AKAP6: variants seen among roughly 807,000 people sequenced by gnomAD.
AKAP6 encodes the protein A-kinase anchoring protein 6.
Under a neutral mutation model 188.5 loss-of-function variants are expected in AKAP6, and 58 were observed. That is an observed-to-expected ratio of 0.31 (90% confidence interval 0.25 to 0.38). The LOEUF (loss-of-function observed/expected upper bound fraction) is 0.38. AKAP6 is among the 10% of genes least tolerant of loss of function. AKAP6 has a pLI of 1.00. For missense variants in AKAP6, 2,710 were observed against 2,740.0 expected (o/e 0.99, Z 0.24); for synonymous variants, 989 against 998.6 (o/e 0.99, Z 0.18).
At chr14:32,383,087 ATGTGTGTGTGTGTG>A (rs3031402) in intron 1 of AKAP6, among the ~76,000 whole-genome samples, 11,932 of 143,256 alleles carry the variant, frequency 0.083, 859 homozygotes, top group African/African-American at 0.19. Context: ...GGCAGATTTT[ATGTGTGTGTGTGTG>A]TGTGTGTGTG....
intron 12 of AKAP6, among the ~76,000 whole-genome samples, chr14:32,783,207 G>A (rs1482343749): frequency 6.6e-6 from 1 of 152,042 alleles, no homozygotes; most frequent in African/African-American, 2.4e-5. Flanking sequence ...ATTTCCATAT[G>A]CACAGACATA....
chr14:32,451,796 A>G (rs1464959378), intron 2 of AKAP6, among the ~76,000 whole-genome samples: 2 of 152,074 alleles, frequency 1.3e-5, no homozygotes, highest in African/African-American at 4.8e-5. Flanking sequence ...TTTCTTAGTC[A>G]CACTAGCCAC....
chr14:32,443,972 G>C (rs1330976536), intron 2 of AKAP6, among the ~76,000 whole-genome samples: 1 of 152,048 alleles, frequency 6.6e-6, no homozygotes, highest in Non-Finnish European at 1.5e-5. Flanking sequence ...AAGACAGAAT[G>C]GTTCTTTTCT....
intron 5 of AKAP6, among the ~76,000 whole-genome samples, chr14:32,589,591 C>T (rs1017836874): frequency 6.6e-6 from 1 of 152,080 alleles, no homozygotes; most frequent in African/African-American, 2.4e-5. Context: ...AAATAGGATT[C>T]CTGCACTGTT....
intron 2 of AKAP6, among the ~76,000 whole-genome samples, chr14:32,471,242 C>T (rs527624755): frequency 2.0e-5 from 3 of 152,230 alleles, no homozygotes; most frequent in African/African-American, 7.2e-5. Context: ...AGATTGTCTC[C>T]ATAATCATAA....
At chr14:32,415,357 T>C (rs1192940762) in intron 1 of AKAP6, among the ~76,000 whole-genome samples, 1 of 151,838 alleles carries the variant, frequency 6.6e-6, no homozygotes, top group Non-Finnish European at 1.5e-5. Flanking sequence ...GTATCCGGAA[T>C]TGTTTTTTAA....
At chr14:32,645,589 A>G (rs781117069) in intron 7 of AKAP6, among the ~76,000 whole-genome samples, 20 of 152,092 alleles carry the variant, frequency 1.3e-4, no homozygotes, top group Non-Finnish European at 2.8e-4. Context: ...CCTACATTGT[A>G]TATTTCTTGA....
At chr14:32,335,311 A>C (rs1886655594) in intron 1 of AKAP6, among the ~76,000 whole-genome samples, 1 of 152,156 alleles carries the variant, frequency 6.6e-6, no homozygotes, top group Non-Finnish European at 1.5e-5. Context: ...ATAATTTTTT[A>C]ATAAGAGGCT....
rs1162974012 is a variant in AKAP6, at chr14:32,786,298, C to CTT, written c.3588+12431_3588+12432dup. 1.1e-3 allele frequency among the ~76,000 whole-genome samples: 88 copies of CTT among 82,548 alleles called. 5 individuals carry two copies. Among genetic ancestry groups the CTT allele is most frequent in the African/African-American group, 2.6e-3 (54 of 20,792 alleles). The allele number at this position is 82,548 out of a possible 152,430, so 54.2% of individuals were successfully genotyped here. ...CCCTCTGAAAGACCTAAACCTTTAT[C>CTT]TTTTTTTTTTTTTTTTTTTTTTTTT... On this transcript the variant is annotated intron_variant, in intron 12 of 13. Coordinates refer to ENST00000280979, the MANE Select transcript of AKAP6 (RefSeq NM_004274.5).
chr14:32,698,972 G>A (rs769925518), intron 9 of AKAP6, among the ~76,000 whole-genome samples: 7 of 152,074 alleles, frequency 4.6e-5, no homozygotes, highest in Non-Finnish European at 1.0e-4. Context: ...CTCCCTGGGT[G>A]TCTCTCTGTA....
intron 2 of AKAP6, chr14:32,494,154 CT>C (rs1455451691): frequency 6.6e-6 from 1 of 152,188 alleles, no homozygotes; most frequent in Non-Finnish European, 1.5e-5. Flanking sequence ...TTGAGTCATT[CT>C]TTCTACAAGT....
rs374446865 is a variant in AKAP6, at chr14:32,787,034, A to C, written c.3588+13141A>C. ...TAATTGAAAATAATAAGGCCACGAT[A>C]AATGGGATGGCCCCAGGGTAAAACA... is the stretch of plus-strand genomic sequence containing the variant. On this transcript the variant is annotated intron_variant, in intron 12 of 13. Transcript: ENST00000280979. Among the ~76,000 whole-genome samples, 10 of 152,376 alleles carry C rather than the reference A, an allele frequency of 6.6e-5. No individual in the cohort carries two copies. The South Asian group carries it at 2.1e-3, about 32-fold the overall frequency.
At chr14:32,430,748 A>G (rs925163694) in intron 1 of AKAP6, among the ~76,000 whole-genome samples, 1 of 152,170 alleles carries the variant, frequency 6.6e-6, no homozygotes, top group Non-Finnish European at 1.5e-5. Context: ...GATTCCTTCT[A>G]TAGCATTGTG....
intron 7 of AKAP6, among the ~76,000 whole-genome samples, chr14:32,624,316 T>C (rs775972037): frequency 7.9e-5 from 12 of 152,228 alleles, no homozygotes; most frequent in Non-Finnish European, 1.6e-4. Flanking sequence ...TTAAAACATA[T>C]GACATTTCTG....
intron 1 of AKAP6, among the ~76,000 whole-genome samples, chr14:32,382,900 C>T (rs1888412437): frequency 6.6e-6 from 1 of 152,084 alleles, no homozygotes; most frequent in Admixed American, 6.6e-5. Context: ...GCAAAGAGTG[C>T]TGCTGCCACC....
At chr14:32,757,299 A>G (rs1445402047) in intron 11 of AKAP6, among the ~76,000 whole-genome samples, 2 of 152,148 alleles carry the variant, frequency 1.3e-5, no homozygotes, top group Non-Finnish European at 2.9e-5. Context: ...TGAGCACTGG[A>G]AAGTCCTATT....
chr14:32,647,926 G>A (rs1372516439), intron 7 of AKAP6, among the ~76,000 whole-genome samples: 1 of 152,004 alleles, frequency 6.6e-6, no homozygotes, highest in Admixed American at 6.6e-5. Flanking sequence ...CATCACAAGA[G>A]TATTCCCTAA....
chr14:32,805,053 T>G (rs2034053964), intron 12 of AKAP6, among the ~76,000 whole-genome samples: 1 of 152,190 alleles, frequency 6.6e-6, no homozygotes, highest in Non-Finnish European at 1.5e-5. Flanking sequence ...TACAATCAAT[T>G]TGTACAGTTA....
intron 2 of AKAP6, among the ~76,000 whole-genome samples, chr14:32,532,597 G>A (rs1334392461): frequency 2.6e-5 from 4 of 152,178 alleles, no homozygotes; most frequent in East Asian, 1.9e-4. Context: ...AAGTCTCTAT[G>A]TAACATTTTG....
Sources: gnomAD v4.1 joint callset for allele counts (sites outside exome capture counted in the v4.1 genomes callset) on GRCh38, gnomAD v4.1.1 for gene constraint, MANE v1.5 for transcripts, NCBI Gene and HGNC (gene_info 2026-07-23, HGNC 2026-07-21) for gene names.